SLC24A2: variants seen among roughly 807,000 people sequenced by gnomAD.
SLC24A2 encodes the protein sodium/potassium/calcium exchanger 2.
SLC24A2 carries 36 observed loss-of-function variants against 62.0 expected under a neutral mutation model. The observed-to-expected ratio is 0.58, with a 90% CI of 0.44 to 0.77. The LOEUF is 0.77. Ranked by LOEUF, SLC24A2 falls within the 30% of genes least tolerant of loss-of-function variation. The pLI is 0.00. For missense variants in SLC24A2, 846 were observed against 817.9 expected (o/e 1.03, Z -0.42); for synonymous variants, 358 against 294.0 (o/e 1.22, Z -2.23).
At chr9:20,073,346 C>G in the SLC24A2 span, among the ~76,000 whole-genome samples, 1 of 152,160 alleles carries the variant, frequency 6.6e-6, no homozygotes, top group Admixed American at 6.6e-5. Context: ...CTGATTAAGT[C>G]AGACCCACTC....
intron 7 of SLC24A2, among the ~76,000 whole-genome samples, chr9:19,551,129 T>A (rs1834822013): frequency 6.6e-6 from 1 of 152,218 alleles, no homozygotes; most frequent in Non-Finnish European, 1.5e-5. Context: ...TTTCTCCCTG[T>A]CACCCCCACA....
At chr9:20,030,901 C>A in the SLC24A2 span, among the ~76,000 whole-genome samples, 1 of 152,046 alleles carries the variant, frequency 6.6e-6, no homozygotes, top group African/African-American at 2.4e-5. Context: ...TGACTCCACC[C>A]GCTGCTCACC....
At chr9:20,111,282 GA>G in the SLC24A2 span, among the ~76,000 whole-genome samples, 1 of 152,144 alleles carries the variant, frequency 6.6e-6, no homozygotes, top group Admixed American at 6.6e-5. Context: ...CAGGGTCATG[GA>G]GGTTAGCCAG....
At chr9:19,741,685 G>C (rs927849654) in intron 2 of SLC24A2, among the ~76,000 whole-genome samples, 4 of 152,174 alleles carry the variant, frequency 2.6e-5, no homozygotes, top group Non-Finnish European at 4.4e-5. Flanking sequence ...CTCTGTTGAA[G>C]ATGTGAGTTC....
At chr9:19,603,291 T>C (rs1235203601) in intron 4 of SLC24A2, among the ~76,000 whole-genome samples, 3 of 152,200 alleles carry the variant, frequency 2.0e-5, no homozygotes, top group African/African-American at 7.2e-5. Context: ...AAGCAAAAGG[T>C]ACTTTCTCAT....
the SLC24A2 span, among the ~76,000 whole-genome samples, chr9:19,904,420 G>A: frequency 6.6e-6 from 1 of 152,162 alleles, no homozygotes; most frequent in Non-Finnish European, 1.5e-5. Flanking sequence ...GAATTATACA[G>A]AGACTCAGTT....
the SLC24A2 span, among the ~76,000 whole-genome samples, chr9:19,970,468 G>A: frequency 6.6e-6 from 1 of 152,146 alleles, no homozygotes; most frequent in Admixed American, 6.6e-5. Context: ...TATTTGAAAG[G>A]AAAATATCAA....
At chr9:19,677,109 A>G (rs1436634711) in intron 2 of SLC24A2, among the ~76,000 whole-genome samples, 4 of 152,248 alleles carry the variant, frequency 2.6e-5, no homozygotes. Flanking sequence ...TAAATCTTCT[A>G]TTCTAAAGAC....
chr9:19,877,932 T>G, the SLC24A2 span, among the ~76,000 whole-genome samples: 1 of 152,134 alleles, frequency 6.6e-6, no homozygotes, highest in Non-Finnish European at 1.5e-5. Flanking sequence ...TCTTATAAAT[T>G]TATGTATGTG....
At chr9:19,585,718 T>C (rs1347852162) in intron 5 of SLC24A2, among the ~76,000 whole-genome samples, 1 of 152,238 alleles carries the variant, frequency 6.6e-6, no homozygotes, top group Non-Finnish European at 1.5e-5. Flanking sequence ...AACATGTTTT[T>C]CTAGCAGCTT....
chr9:19,545,573 G>A (rs142605740), intron 8 of SLC24A2, among the ~76,000 whole-genome samples: 5 of 151,786 alleles, frequency 3.3e-5, no homozygotes, highest in African/African-American at 7.3e-5. Context: ...ATCTACCGTC[G>A]GTCTTTGTAG....
intron 2 of SLC24A2, among the ~76,000 whole-genome samples, chr9:19,630,883 G>A (rs534961620): frequency 6.6e-6 from 1 of 152,274 alleles, no homozygotes; most frequent in South Asian, 2.1e-4. Flanking sequence ...TCCTTGATCT[G>A]CTCTTCTTTC....
the SLC24A2 span, among the ~76,000 whole-genome samples, chr9:19,919,013 T>G: frequency 5.3e-4 from 80 of 152,324 alleles, 1 homozygote; most frequent in South Asian, 0.016. Flanking sequence ...GTGAGAAAAT[T>G]TAAATTAAAT....
At chr9:20,101,541 T>C in the SLC24A2 span, among the ~76,000 whole-genome samples, 38 of 152,326 alleles carry the variant, frequency 2.5e-4, no homozygotes, top group African/African-American at 8.4e-4. Flanking sequence ...GAGAGAACTT[T>C]TGTGGCTTCC....
the SLC24A2 span, among the ~76,000 whole-genome samples, chr9:20,168,318 C>T: frequency 1.3e-5 from 2 of 151,478 alleles, no homozygotes; most frequent in Non-Finnish European, 2.9e-5. Flanking sequence ...AACTAAAAAG[C>T]TTAAAAAAGT....
intron 2 of SLC24A2, among the ~76,000 whole-genome samples, chr9:19,661,990 G>A (rs923423323): frequency 2.0e-5 from 3 of 152,118 alleles, no homozygotes; most frequent in African/African-American, 7.2e-5. Flanking sequence ...ACCTTTATGT[G>A]CACCTGAGCC....
intron 5 of SLC24A2, among the ~76,000 whole-genome samples, chr9:19,590,735 T>C (rs1301610359): frequency 1.3e-4 from 20 of 152,162 alleles, no homozygotes; most frequent in Non-Finnish European, 1.3e-4. Flanking sequence ...TTGTCCTCAT[T>C]CACCCACTCC....
intron 2 of SLC24A2, among the ~76,000 whole-genome samples, chr9:19,623,692 A>G (rs1817964593): frequency 6.6e-6 from 1 of 152,202 alleles, no homozygotes; most frequent in Non-Finnish European, 1.5e-5. Context: ...AATGAGGTTG[A>G]TGTTAAATAT....
the SLC24A2 span, among the ~76,000 whole-genome samples, chr9:20,304,293 C>T: frequency 2.6e-5 from 4 of 152,240 alleles, no homozygotes; most frequent in African/African-American, 7.2e-5. Flanking sequence ...CCCACAGCCC[C>T]GGGAGCGGAT....
Sources: gnomAD v4.1 joint callset for allele counts (sites outside exome capture counted in the v4.1 genomes callset) on GRCh38, gnomAD v4.1.1 for gene constraint, MANE v1.5 for transcripts, NCBI Gene and HGNC (gene_info 2026-07-23, HGNC 2026-07-21) for gene names.